Variants in TAF9 observed in about 807,000 individuals in gnomAD.
TAF9 encodes transcription initiation factor TFIID subunit 9.
A neutral mutation model predicts 16.5 loss-of-function variants in TAF9; 10 were observed. The observed-to-expected ratio is 0.61, with a 90% CI of 0.37 to 1.03. The LOEUF is 1.03. Among genes scored for constraint, TAF9 ranks in the 50% least tolerant of loss-of-function variants. TAF9 has a pLI of 0.01. For missense variants in TAF9, 288 were observed against 319.1 expected (o/e 0.90, Z 0.74); for synonymous variants, 105 against 120.5 (o/e 0.87, Z 0.84).
At chr5:69,365,811 G>A (rs1231679703) in intron 2 of TAF9, 57 bp from the exon 3 acceptor site, 6 of 1,270,978 alleles carry the variant, frequency 4.7e-6, no homozygotes, top group Non-Finnish European at 5.3e-6. Context: ...AGTTACTTTA[G>A]TAGCAACTGT....
upstream of TAF9, chr5:69,369,711 G>T: frequency 6.4e-7 from 1 of 1,551,480 alleles, no homozygotes; most frequent in South Asian, 1.2e-5. Context: ...CATAACTCGG[G>T]TCGGTACTTC....
At chr5:69,365,823 A>G in intron 2 of TAF9, 69 bp from the exon 3 acceptor site, 1 of 1,174,280 alleles carries the variant, frequency 8.5e-7, no homozygotes, top group Admixed American at 2.9e-5. Flanking sequence ...AGCAACTGTC[A>G]GGAACTTAAA....
In TAF9 at chr5:69,369,226, A is replaced by ACCCCCCCC. The variant is rs200123392; in HGVS notation, c.-111+229_-111+236dup. 9.3e-3 allele frequency: 1,154 copies of ACCCCCCCC among 124,484 alleles called. 153 individuals are homozygous for ACCCCCCCC. The highest frequency in any genetic ancestry group is 0.023 in the South Asian group (141 of 6,234). 7.7% of individuals were successfully genotyped at this position (124,484 alleles called of 1,614,324 possible). On this transcript the variant is annotated intron_variant, in intron 1 of 2. Transcript: ENST00000217893. ...GAGCTGGATCTGCCGACCTCTCTCC[A>ACCCCCCCC]CCCCCCCCCGCCCCCCCCCGGAGCC...
intron 1 of TAF9, 70 bp downstream of exon 1, chr5:69,369,393 G>A (rs1762743980): frequency 1.3e-6 from 2 of 1,554,260 alleles, no homozygotes; most frequent in South Asian, 1.2e-5. Context: ...CCACCTGGGC[G>A]CCCGATGCCC....
intron 1 of TAF9, chr5:69,367,767 A>C (rs1762527835): frequency 6.6e-6 from 1 of 151,794 alleles, no homozygotes; most frequent in Admixed American, 6.6e-5. Context: ...CTAAGCTCAA[A>C]CTCCTGAGCT....
chr5:69,369,342 G>T, intron 1 of TAF9, 121 bp downstream of exon 1: 1 of 1,086,198 alleles, frequency 9.2e-7, no homozygotes. Context: ...CAACCGCCTC[G>T]TGGCCCTCGG....
intron 1 of TAF9, 78 bp downstream of exon 1, chr5:69,369,384 CA>C: frequency 6.5e-7 from 1 of 1,540,702 alleles, no homozygotes; most frequent in Non-Finnish European, 8.8e-7. Context: ...GAGGGGCCCC[CA>C]CCTGGGCGCC....
Position 69,369,380 on chromosome 5 carries a change from C to A in TAF9, c.-111+83G>T, listed in dbSNP as rs917480036. 7.0e-5 allele frequency: 106 copies of A among 1,523,264 alleles called. No homozygotes were observed. The African/African-American group carries it at 1.3e-3, about 19-fold the overall frequency. 94.4% of individuals were successfully genotyped at this position (1,523,264 alleles called of 1,614,324 possible). The stretch of plus-strand genomic sequence containing the variant: ...GGCCTCTGAAGAGGGCAGTGAGGGG[C>A]CCCCACCTGGGCGCCCGATGCCCAG... On this transcript the variant is annotated intron_variant, in intron 1 of 2. Coordinates refer to ENST00000217893, the MANE Select transcript of TAF9 (RefSeq NM_003187.5).
At chr5:69,366,797 C>T (rs1762448569) in intron 1 of TAF9, 6 of 550,274 alleles carry the variant, frequency 1.1e-5, no homozygotes, top group South Asian at 8.8e-5. Context: ...TCACTCTTGT[C>T]GCCCAGGCTG....
At chr5:69,366,845 AC>A in intron 1 of TAF9, 1 of 430,662 alleles carries the variant, frequency 2.3e-6, no homozygotes, top group Admixed American at 3.5e-5. Flanking sequence ...TGCAACCTCC[AC>A]CTCCCAGGTT....
rs1224901202 is a variant in TAF9, at chr5:69,365,857, T to C, written c.-17-103A>G. The C allele has an allele frequency of 6.1e-6, 5 of 823,574 alleles. No homozygotes were observed. The East Asian group carries it at 1.5e-4, about 25-fold the overall frequency. The allele number at this position is 823,574 out of a possible 1,614,324, so 51.0% of individuals were successfully genotyped here. Reference sequence around the variant, plus strand: ...AAAAAATTTTAAATCTATGTTAAACTGTAAAAAAATTTTTAAAATTTAAAC... The same window carrying C: ...AAAAAATTTTAAATCTATGTTAAACCGTAAAAAAATTTTTAAAATTTAAAC... On this transcript the variant is annotated intron_variant, in intron 2 of 2. Coordinates refer to ENST00000217893, the MANE Select transcript of TAF9 (RefSeq NM_003187.5).
In TAF9 at chr5:69,364,833, CATT is replaced by C. The variant is rs760205127; in HGVS notation, c.*107_*109del. 2.9e-5 allele frequency: 27 copies of C among 946,166 alleles called. No individual in the cohort carries two copies. The highest frequency in any genetic ancestry group is 6.6e-5 in the African/African-American group (4 of 61,000). The allele number at this position is 946,166 out of a possible 1,614,324, so 58.6% of individuals were successfully genotyped here. ...GAAAAGTATGGTAACTGTGTTTACT[CATT>C]ATTATTAGTTTTCTAAAACACAACT... On this transcript the variant is annotated 3_prime_UTR_variant, in exon 3 of 3. Transcript: ENST00000217893.
upstream of TAF9, chr5:69,369,546 G>A (rs1051156519): frequency 1.9e-5 from 31 of 1,610,362 alleles, no homozygotes; most frequent in South Asian, 2.4e-4. Context: ...GCTCTACAGG[G>A]AGGAGCCGGA....
intron 1 of TAF9, chr5:69,367,906 T>C (rs1253942109): frequency 6.6e-6 from 1 of 152,194 alleles, no homozygotes; most frequent in Non-Finnish European, 1.5e-5. Context: ...GGCTCGCGCG[T>C]GTAATCCCAG....
chr5:69,365,967 T>C (rs1762405570), intron 2 of TAF9, among the ~76,000 whole-genome samples: 2 of 152,140 alleles, frequency 1.3e-5, no homozygotes, highest in South Asian at 2.1e-4. Flanking sequence ...TTGTCGACTA[T>C]AAAAAGATGA....
At chr5:69,367,504 CAAA>C (rs34070239) in intron 1 of TAF9, among the ~76,000 whole-genome samples, 1 of 94,060 alleles carries the variant, frequency 1.1e-5, no homozygotes. Flanking sequence ...GACTCCATCT[CAAA>C]AAAAAAAAAA....
chr5:69,369,496 C>T lies in TAF9; in HGVS notation c.-144G>A, dbSNP rs1205077897. 4 of 1,611,520 alleles carry T rather than the reference C, an allele frequency of 2.5e-6. No homozygotes were observed. The highest frequency in any genetic ancestry group is 2.2e-5 in the East Asian group (1 of 44,822). On this transcript the variant is annotated 5_prime_UTR_variant, in exon 1 of 3. Coordinates refer to ENST00000217893, the MANE Select transcript of TAF9 (RefSeq NM_003187.5). ...AGGATGTTCGGAAGCAACATGGTCC[C>T]CGCCGCGACGGCTTCGGGCGCCTCG...
At chr5:69,367,456 G>A (rs921998891) in intron 1 of TAF9, among the ~76,000 whole-genome samples, 7 of 140,402 alleles carry the variant, frequency 5.0e-5, no homozygotes, top group Non-Finnish European at 1.1e-4. Context: ...GATGCAGTGA[G>A]CCAAGATCGC....
chr5:69,364,896 C>T lies in TAF9; in HGVS notation c.*47G>A. ...CCAGCATGCATGTTTAATATCAGTACAATGAATTCAAGACCAAGTATACAT... is the reference window on the plus strand; with the variant it reads ...CCAGCATGCATGTTTAATATCAGTATAATGAATTCAAGACCAAGTATACAT... On this transcript the variant is annotated 3_prime_UTR_variant, in exon 3 of 3. Transcript: ENST00000217893. The T allele has an allele frequency of 6.6e-7, 1 of 1,522,052 alleles. No homozygotes were observed. The allele number at this position is 1,522,052 out of a possible 1,614,324, so 94.3% of individuals were successfully genotyped here.
Sources: gnomAD v4.1 joint callset for allele counts (sites outside exome capture counted in the v4.1 genomes callset) on GRCh38, gnomAD v4.1.1 for gene constraint, MANE v1.5 for transcripts, NCBI Gene and HGNC (gene_info 2026-07-23, HGNC 2026-07-21) for gene names.